Variants in PARP6 observed in about 807,000 individuals in gnomAD.
The protein encoded by PARP6 is protein mono-ADP-ribosyltransferase PARP6.
Under a neutral mutation model 92.0 loss-of-function variants are expected in PARP6, and 27 were observed. That is an observed-to-expected ratio of 0.29 (90% CI 0.22 to 0.40). The LOEUF is 0.40. Among genes scored for constraint, PARP6 ranks in the 10% least tolerant of loss-of-function variants. The pLI, the probability that PARP6 is intolerant of heterozygous loss-of-function variation, is 1.00. For synonymous variants in PARP6, 272 were observed against 281.2 expected, an observed-to-expected ratio of 0.97 and a Z score of 0.33; for missense variants, 501 against 784.5, an observed-to-expected ratio of 0.64 and a Z score of 4.32.
intron 8 of PARP6, among the ~76,000 whole-genome samples, chr15:72,262,462 T>C (rs2086019677): frequency 1.3e-5 from 2 of 152,200 alleles, no homozygotes; most frequent in Admixed American, 1.3e-4. Context: ...GGGACCATGA[T>C]GTGTCAATCA....
Position 72,267,646 on chromosome 15 carries a change from T to C in PARP6, c.-169A>G. On this transcript the variant is annotated 5_prime_UTR_variant, in exon 3 of 24. Transcript: ENST00000569795. ...ATCTGTTGGGGATGGCAGGCTCTGC[T>C]GTTGCGGTGGTAACAAGTCACTGTC... 1 of 676,080 alleles carries C rather than the reference T, an allele frequency of 1.5e-6. No individual in the cohort carries two copies. The highest frequency in any genetic ancestry group is 2.6e-6 in the Non-Finnish European group (1 of 377,538). 41.9% of individuals were successfully genotyped at this position (676,080 alleles called of 1,614,324 possible). A position where few individuals can be genotyped will look rare whatever the true frequency, so the allele number is the denominator to read the frequency against.
chr15:72,250,014 C>G lies in PARP6; in HGVS notation c.1491+6G>C. ...AGAAATAAAGGAGAAAGGGGCACAG[C>G]CTCACCTGCAGTTTGGTGTAGGATG... On this transcript the variant is annotated splice_donor_region_variant and intron_variant, in intron 19 of 23. Transcript: ENST00000569795. The G allele has an allele frequency of 2.5e-6, 4 of 1,580,832 alleles. No individual in the cohort carries two copies. Among genetic ancestry groups the G allele is most frequent in the Non-Finnish European group, 3.5e-6 (4 of 1,149,514 alleles).
intron 4 of PARP6, 59 bp from the exon 5 acceptor site, chr15:72,266,050 A>G: frequency 8.9e-7 from 1 of 1,129,820 alleles, no homozygotes; most frequent in Non-Finnish European, 1.3e-6. Context: ...GGAAAGAGAG[A>G]GATAATAAAA....
At chr15:72,249,357 T>G in intron 19 of PARP6, 43 bp from the exon 20 acceptor site, 1 of 1,151,554 alleles carries the variant, frequency 8.7e-7, no homozygotes, top group Non-Finnish European at 1.3e-6. Flanking sequence ...GCCTGGGCCC[T>G]CCCATGGCTA....
At chr15:72,243,930 T>C (rs2083333365) in intron 20 of PARP6, 1 of 152,368 alleles carries the variant, frequency 6.6e-6, no homozygotes, top group South Asian at 2.1e-4. Context: ...AATAGACTGA[T>C]AGCTGTTGAA....
intron 12 of PARP6, 74 bp downstream of exon 12, chr15:72,257,963 A>G: frequency 9.5e-7 from 1 of 1,054,832 alleles, no homozygotes; most frequent in Non-Finnish European, 1.5e-6. Flanking sequence ...CCACAGACCA[A>G]GGAAGAAGGA....
intron 12 of PARP6, 126 bp from the exon 13 acceptor site, chr15:72,257,566 A>C (rs1380396723): frequency 3.1e-5 from 21 of 683,146 alleles, no homozygotes; most frequent in Non-Finnish European, 5.4e-5. Context: ...CTATATCAGG[A>C]GAAAACTACC....
rs2083122884 is a variant in PARP6 at position 72,242,120 on chromosome 15, G to C, written c.1705+37C>G. 6 of 1,584,610 alleles carry C rather than the reference G, an allele frequency of 3.8e-6. No homozygotes were observed. Among genetic ancestry groups the C allele is most frequent in the South Asian group, 1.1e-5 (1 of 90,412 alleles). ...AAAATTACATCAGAAACAAAGGTTA[G>C]AGACCCAGAAAAACAGGACATGGGC... On this transcript the variant is annotated intron_variant, in intron 22 of 23. Transcript: ENST00000569795. This position sits in a 1 kb window ranked among gnomAD's most constrained non-coding sequence, Gnocchi z 4.3.
At chr15:72,248,974 T>C (rs898226678) in intron 20 of PARP6, among the ~76,000 whole-genome samples, 2 of 152,250 alleles carry the variant, frequency 1.3e-5, no homozygotes, top group African/African-American at 4.8e-5. Flanking sequence ...AAAAGCCTTG[T>C]TATGTCCCTG....
At chr15:72,263,384 A>G (rs2086151511) in intron 8 of PARP6, among the ~76,000 whole-genome samples, 1 of 152,204 alleles carries the variant, frequency 6.6e-6, no homozygotes, top group South Asian at 2.1e-4. Flanking sequence ...CTTTTACAAA[A>G]GCACCCTACT....
chr15:72,266,083 A>G (rs1229514368), intron 4 of PARP6, 92 bp from the exon 5 acceptor site: 3 of 893,938 alleles, frequency 3.4e-6, no homozygotes, highest in East Asian at 2.6e-5. Context: ...GACACCAGGA[A>G]CAGGAGAAAT....
chr15:72,259,647 G>C lies in PARP6; in HGVS notation c.771C>G (p.Cys257Trp). Reference sequence around the variant, plus strand: ...CATACTCCAGAGTGGGAATGTTCTTGCAGTGACCACTGACCTGGTGAGAGT... The same window carrying C: ...CATACTCCAGAGTGGGAATGTTCTTCCAGTGACCACTGACCTGGTGAGAGT... ...ARTSPLVSGH[C>W]KNIPTLEYGF... The change falls in exon 11 of 24, where the codon TGC becomes TGG. Residue 257 changes from cysteine to tryptophan, a missense_variant. Physicochemically the swap from Cys to Trp is radical, Grantham distance 215. Coordinates refer to ENST00000569795, the MANE Select transcript of PARP6 (RefSeq NM_001323532.2). The C allele has an allele frequency of 2.5e-6, 4 of 1,614,076 alleles. No individual in the cohort carries two copies. The highest frequency in any genetic ancestry group is 3.4e-6 in the Non-Finnish European group (4 of 1,179,926).
chr15:72,269,304 G>A (rs1429807320), intron 2 of PARP6, among the ~76,000 whole-genome samples: 1 of 152,194 alleles, frequency 6.6e-6, no homozygotes, highest in African/African-American at 2.4e-5. Context: ...GGGATTATAG[G>A]CGCCCGCCAC....
chr15:72,263,271 T>C (rs568428342), intron 8 of PARP6, among the ~76,000 whole-genome samples: 1 of 152,282 alleles, frequency 6.6e-6, no homozygotes, highest in South Asian at 2.1e-4. Flanking sequence ...AGTCTTCAAG[T>C]CTTATTGATT....
intron 18 of PARP6, chr15:72,250,384 A>T (rs903202945): frequency 2.8e-6 from 1 of 359,006 alleles, no homozygotes; most frequent in Non-Finnish European, 5.2e-6. Flanking sequence ...TGACATTTCA[A>T]ATTCAATAAA....
chr15:72,266,894 T>C, intron 3 of PARP6, 72 bp from the exon 4 acceptor site: 2 of 1,128,704 alleles, frequency 1.8e-6, no homozygotes, highest in Non-Finnish European at 1.3e-6. Context: ...TGGGATGATA[T>C]GGTGAGGAAC....
intron 14 of PARP6, among the ~76,000 whole-genome samples, chr15:72,255,232 C>T (rs2084911678): frequency 6.6e-6 from 1 of 152,086 alleles, no homozygotes; most frequent in African/African-American, 2.4e-5. Flanking sequence ...CAGACTAGAA[C>T]TTACACCATT....
intron 15 of PARP6, chr15:72,253,997 G>A: frequency 6.5e-6 from 3 of 458,370 alleles, no homozygotes; most frequent in South Asian, 1.6e-5. Flanking sequence ...GATTGCAGAC[G>A]AGGGGTGGGG....
At chr15:72,270,031 C>T (rs1326735231) in intron 2 of PARP6, among the ~76,000 whole-genome samples, 2 of 152,148 alleles carry the variant, frequency 1.3e-5, no homozygotes, top group Admixed American at 6.5e-5. Context: ...GTTCTAGATC[C>T]TTGTGTGTTC....
Sources: gnomAD v4.1 joint callset for allele counts (sites outside exome capture counted in the v4.1 genomes callset) on GRCh38, gnomAD v4.1.1 for gene constraint, Gnocchi (gnomAD v3.1) non-coding constraint, MANE v1.5 for transcripts, NCBI Gene and HGNC (gene_info 2026-07-23, HGNC 2026-07-21) for gene names.